Variants in RXFP1 observed in about 807,000 individuals in gnomAD.
RXFP1 encodes relaxin receptor 1.
In RXFP1, 73 loss-of-function variants were observed where a neutral mutation model predicts 89.8. The ratio of observed to expected loss-of-function variants is 0.81; its 90% CI spans 0.67 to 0.99. The LOEUF (loss-of-function observed/expected upper bound fraction) is 0.99, where lower values mean the gene tolerates loss of function less well. Ranked by LOEUF, RXFP1 falls within the 50% of genes least tolerant of loss-of-function variation. The pLI is 0.00. For missense variants in RXFP1, 793 were observed against 895.5 expected, an observed-to-expected ratio of 0.89 and a Z score of 1.46; for synonymous variants, 277 against 305.5, an observed-to-expected ratio of 0.91 and a Z score of 0.97.
chr4:158,617,623 C>G (rs1430270600), intron 9 of RXFP1, among the ~76,000 whole-genome samples: 1 of 151,440 alleles, frequency 6.6e-6, no homozygotes, highest in Non-Finnish European at 1.5e-5. Flanking sequence ...TTTTCAAAAA[C>G]TAATCATGAT....
At chr4:158,568,582 CGTGATGTTCTGCCA>C (rs1304681875) in intron 1 of RXFP1, among the ~76,000 whole-genome samples, 1 of 152,092 alleles carries the variant, frequency 6.6e-6, no homozygotes, top group Non-Finnish European at 1.5e-5. Context: ...CTCTGAAATA[CGTGATGTTCTGCCA>C]GTGATGGCCT....
At chr4:158,562,848 G>A (rs528623065) in intron 1 of RXFP1, among the ~76,000 whole-genome samples, 39 of 152,256 alleles carry the variant, frequency 2.6e-4, no homozygotes, top group African/African-American at 8.9e-4. Flanking sequence ...CCAACAAGAG[G>A]CTGATTTGTA....
Position 158,612,380 on chromosome 4 carries a change from G to A in RXFP1, c.680+18G>A. 1.3e-6 allele frequency: 2 copies of A among 1,510,216 alleles called. No individual in the cohort carries two copies. Among genetic ancestry groups the A allele is most frequent in the Non-Finnish European group, 1.8e-6 (2 of 1,100,162 alleles). The allele number at this position is 1,510,216 out of a possible 1,614,324, so 93.6% of individuals were successfully genotyped here. On this transcript the variant is annotated intron_variant, in intron 8 of 17. Transcript: ENST00000307765. ...ATTCTCTTGTAAGTACTAAACTAAA[G>A]CAAATATTTCAATCAAAGGCAAAGA...
intron 1 of RXFP1, among the ~76,000 whole-genome samples, chr4:158,528,806 T>C (rs1483652902): frequency 6.6e-6 from 1 of 152,246 alleles, no homozygotes; most frequent in African/African-American, 2.4e-5. Context: ...CAGACACTTC[T>C]AGTGTCCAGA....
chr4:158,624,234 C>T (rs936702720), intron 9 of RXFP1, among the ~76,000 whole-genome samples: 2 of 152,062 alleles, frequency 1.3e-5, no homozygotes, highest in South Asian at 2.1e-4. Flanking sequence ...TAGAAAGAGA[C>T]CAGGTGCATA....
intron 8 of RXFP1, among the ~76,000 whole-genome samples, chr4:158,616,750 G>C (rs1764655463): frequency 6.6e-6 from 1 of 151,354 alleles, no homozygotes; most frequent in African/African-American, 2.4e-5. Context: ...TGCAATCCCA[G>C]CACTTTGGGA....
chr4:158,645,085 C>A lies in RXFP1; in HGVS notation c.1292C>A (p.Pro431His), dbSNP rs763484551. ...AACATTTTTGTCATTTGCATGCGAC[C>A]TTATATCAGGTCTGAGAACAAGCTG... Reference protein sequence around the residue: ...FGNIFVICMRPYIRSENKLYA... With the variant: ...FGNIFVICMRHYIRSENKLYA... The change falls in exon 15 of 18, where the codon CCT (proline) becomes CAT (histidine). Residue 431 changes from proline to histidine, a missense_variant. Coordinates refer to ENST00000307765, the MANE Select transcript of RXFP1 (RefSeq NM_021634.4). The A allele has an allele frequency of 3.1e-6, 5 of 1,614,106 alleles. No individual in the cohort carries two copies. The South Asian group carries it at 4.4e-5, about 14-fold the overall frequency.
At chr4:158,555,873 C>T in intron 1 of RXFP1, among the ~76,000 whole-genome samples, 1 of 152,126 alleles carries the variant, frequency 6.6e-6, no homozygotes, top group East Asian at 1.9e-4. Flanking sequence ...AATAAAATAT[C>T]CACATGTAGA....
chr4:158,572,809 G>T lies in RXFP1; in HGVS notation c.161G>T (p.Gly54Val), dbSNP rs763670611. The change falls in exon 2 of 18, where the codon GGG becomes GTG. Residue 54 changes from glycine to valine, a missense_variant. Coordinates refer to ENST00000307765, the MANE Select transcript of RXFP1 (RefSeq NM_021634.4). ...CACTGTAACGGTGTGGACGACTGCG[G>T]GAATCAGGCCGATGAGGACAACTGT... ...LLHCNGVDDC[G>V]NQADEDNCGD... 16 of 1,614,028 alleles carry T rather than the reference G, an allele frequency of 9.9e-6. No homozygotes were observed. The highest frequency in any genetic ancestry group is 1.4e-5 in the Non-Finnish European group (16 of 1,180,044).
At position 158,586,904 on chromosome 4, in the gene RXFP1, G is replaced by T. The variant is rs569348708; in HGVS notation, c.188-6497G>T. On this transcript the variant is annotated intron_variant, in intron 2 of 17. Transcript: ENST00000307765. ...ATCTATTAATGGTAAAAAAAAAAAAGAAAATCAGCAAATTGAAATTGTCTA... is the reference window on the plus strand; with the variant it reads ...ATCTATTAATGGTAAAAAAAAAAAATAAAATCAGCAAATTGAAATTGTCTA... 5.2e-4 allele frequency among the ~76,000 whole-genome samples: 79 copies of T among 151,242 alleles called. 1 individual carries two copies. The South Asian group carries it at 8.2e-3, about 16-fold the overall frequency.
chr4:158,650,413 A>G (rs997156540), intron 17 of RXFP1, among the ~76,000 whole-genome samples: 6 of 146,468 alleles, frequency 4.1e-5, no homozygotes, highest in Middle Eastern at 3.2e-3. Flanking sequence ...AAATGCATAT[A>G]TCCTGTTAAA....
chr4:158,617,349 A>G (rs1019337243), intron 9 of RXFP1, 144 bp downstream of exon 9: 9 of 516,300 alleles, frequency 1.7e-5, no homozygotes, highest in South Asian at 1.1e-4. Flanking sequence ...CTGCTTTAAC[A>G]TGATTTTTAT....
At chr4:158,609,712 T>G (rs1398035273) in intron 6 of RXFP1, among the ~76,000 whole-genome samples, 1 of 152,212 alleles carries the variant, frequency 6.6e-6, no homozygotes, top group Non-Finnish European at 1.5e-5. Context: ...ACTTTAGCCA[T>G]GTCCTCTCCC....
At chr4:158,596,265 A>ATTT (rs35626162) in intron 3 of RXFP1, among the ~76,000 whole-genome samples, 7 of 140,078 alleles carry the variant, frequency 5.0e-5, no homozygotes, top group Non-Finnish European at 7.7e-5. Flanking sequence ...TTATTTCTTA[A>ATTT]TTTTTTTTTT....
chr4:158,528,680 C>T (rs1743218969), intron 1 of RXFP1, among the ~76,000 whole-genome samples: 1 of 152,170 alleles, frequency 6.6e-6, no homozygotes, highest in African/African-American at 2.4e-5. Context: ...TTGGGGTCAC[C>T]CCTCTAAGGT....
At chr4:158,577,590 C>T (rs1299278634) in intron 2 of RXFP1, among the ~76,000 whole-genome samples, 2 of 151,904 alleles carry the variant, frequency 1.3e-5, no homozygotes, top group African/African-American at 4.8e-5. Context: ...TTAATTAGAC[C>T]TTTTAAGGTA....
Position 158,536,084 on chromosome 4 carries a change from T to C in RXFP1, c.49+14059T>C, listed in dbSNP as rs550931617. Among the ~76,000 whole-genome samples, 3 of 152,372 alleles carry C rather than the reference T, an allele frequency of 2.0e-5. No homozygotes were observed. The South Asian group carries it at 6.2e-4, about 32-fold the overall frequency. Reference sequence around the variant, plus strand: ...CTGGAAGTACATACAATCTGTACTCTTTAATCAATCAGTAACTTTGCAACA... The same window carrying C: ...CTGGAAGTACATACAATCTGTACTCCTTAATCAATCAGTAACTTTGCAACA... On this transcript the variant is annotated intron_variant, in intron 1 of 17. Transcript: ENST00000307765.
At chr4:158,613,939 A>G (rs985810159) in intron 8 of RXFP1, among the ~76,000 whole-genome samples, 1 of 152,220 alleles carries the variant, frequency 6.6e-6, no homozygotes, top group South Asian at 2.1e-4. Flanking sequence ...CTTTTGATCC[A>G]TGGGCTGTAG....
intron 1 of RXFP1, among the ~76,000 whole-genome samples, chr4:158,557,057 A>G (rs957631733): frequency 6.6e-6 from 1 of 152,212 alleles, no homozygotes; most frequent in African/African-American, 2.4e-5. Context: ...ACATTATGAA[A>G]TAGCCAGAAG....
Sources: allele counts gnomAD v4.1 joint callset (sites outside exome capture counted in the v4.1 genomes callset), GRCh38; gene constraint gnomAD v4.1.1; transcripts MANE v1.5; gene names NCBI Gene and HGNC (gene_info 2026-07-23, HGNC 2026-07-21).